HCN1: variants seen among roughly 807,000 people sequenced by gnomAD.
HCN1 encodes the protein hyperpolarization activated cyclic nucleotide gated potassium channel 1, also known as potassium/sodium hyperpolarization-activated cyclic nucleotide-gated channel 1.
Under a neutral mutation model 78.9 loss-of-function variants are expected in HCN1, and 13 were observed. The observed-to-expected ratio is 0.16, with a 90% CI of 0.11 to 0.26. HCN1 has a LOEUF of 0.26. HCN1 is among the 10% of genes least tolerant of loss of function. The pLI is 1.00. For synonymous variants in HCN1, 552 were observed against 455.5 expected, an observed-to-expected ratio of 1.21 and a Z score of -2.70; for missense variants, 810 against 1,154.3, an observed-to-expected ratio of 0.70 and a Z score of 4.32.
chr5:45,335,288 A>C (rs1746430551), intron 5 of HCN1, among the ~76,000 whole-genome samples: 2 of 152,064 alleles, frequency 1.3e-5, no homozygotes, highest in Non-Finnish European at 2.9e-5. Flanking sequence ...ACACATTCCA[A>C]CAGGCACTCA....
At chr5:45,324,536 CT>C (rs1300768208) in intron 5 of HCN1, among the ~76,000 whole-genome samples, 1 of 151,846 alleles carries the variant, frequency 6.6e-6, no homozygotes, top group Admixed American at 6.6e-5. Flanking sequence ...AATAGGAACA[CT>C]TTTACACTGT....
intron 3 of HCN1, among the ~76,000 whole-genome samples, chr5:45,411,660 A>T (rs1021724524): frequency 6.6e-6 from 1 of 152,078 alleles, no homozygotes; most frequent in African/African-American, 2.4e-5. Context: ...TGATAAAAAC[A>T]TTAAGAAAAA....
At chr5:45,305,196 C>G (rs144022175) in intron 5 of HCN1, among the ~76,000 whole-genome samples, 5 of 152,138 alleles carry the variant, frequency 3.3e-5, no homozygotes, top group African/African-American at 1.2e-4. Context: ...TGTGCTATAC[C>G]GACCCATCAA....
At chr5:45,538,407 G>A (rs1450725137) in intron 2 of HCN1, among the ~76,000 whole-genome samples, 1 of 152,066 alleles carries the variant, frequency 6.6e-6, no homozygotes, top group African/African-American at 2.4e-5. Context: ...TAATATCTAA[G>A]ATGGTCTCTA....
intron 2 of HCN1, among the ~76,000 whole-genome samples, chr5:45,526,146 A>G (rs1467097348): frequency 6.6e-6 from 1 of 152,106 alleles, no homozygotes; most frequent in Non-Finnish European, 1.5e-5. Context: ...GTAATTTGTT[A>G]GAGCGGCCCA....
At chr5:45,505,198 T>C (rs551263114) in intron 2 of HCN1, among the ~76,000 whole-genome samples, 1 of 152,064 alleles carries the variant, frequency 6.6e-6, no homozygotes, top group Non-Finnish European at 1.5e-5. Flanking sequence ...CTGAATGGTA[T>C]TGCCTAGGTT....
intron 3 of HCN1, among the ~76,000 whole-genome samples, chr5:45,408,886 C>T (rs1212709071): frequency 1.3e-5 from 2 of 152,090 alleles, no homozygotes; most frequent in Non-Finnish European, 2.9e-5. Context: ...TCTTTATAAA[C>T]AAAGTAGCTG....
At chr5:45,465,381 G>T (rs972289531) in intron 2 of HCN1, among the ~76,000 whole-genome samples, 1 of 152,084 alleles carries the variant, frequency 6.6e-6, no homozygotes, top group African/African-American at 2.4e-5. Context: ...AGAAAGAAAG[G>T]CTCTCTTCCC....
At chr5:45,328,792 T>A (rs1172734439) in intron 5 of HCN1, among the ~76,000 whole-genome samples, 1 of 151,660 alleles carries the variant, frequency 6.6e-6, no homozygotes. Flanking sequence ...AAGGCAGGAC[T>A]ACTCTACCAC....
chr5:45,308,271 A>G (rs1745777422), intron 5 of HCN1, among the ~76,000 whole-genome samples: 1 of 152,222 alleles, frequency 6.6e-6, no homozygotes, highest in African/African-American at 2.4e-5. Context: ...AGGCTGCTGA[A>G]TCGTGAGACA....
In HCN1 at chr5:45,567,558, TACACACACACACACACACAC is replaced by T. The variant is rs36230541; in HGVS notation, c.849+77607_849+77626del. On this transcript the variant is annotated intron_variant, in intron 2 of 7. Coordinates refer to ENST00000303230, the MANE Select transcript of HCN1 (RefSeq NM_021072.4). ...GTGAAAAGGAGAGGGCATTTTAGGC[TACACACACACACACACACAC>T]ACACACACACACACACACACACACA... Among the ~76,000 whole-genome samples, 43 of 133,024 alleles carry T rather than the reference TACACACACACACACACACAC, an allele frequency of 3.2e-4. 1 individual carries two copies. Among genetic ancestry groups the T allele is most frequent in the Non-Finnish European group, 5.2e-4 (32 of 61,990 alleles). 87.3% of individuals were successfully genotyped at this position (133,024 alleles called of 152,430 possible).
intron 6 of HCN1, among the ~76,000 whole-genome samples, chr5:45,282,777 T>C (rs1256682188): frequency 6.6e-6 from 1 of 152,212 alleles, no homozygotes; most frequent in Non-Finnish European, 1.5e-5. Flanking sequence ...TCAGCTCCAG[T>C]AATGCTCTTG....
chr5:45,340,739 C>G (rs1237712679), intron 5 of HCN1, among the ~76,000 whole-genome samples: 1 of 151,876 alleles, frequency 6.6e-6, no homozygotes, highest in East Asian at 1.9e-4. Context: ...TTCCTATTTT[C>G]TTTATCAAAA....
At chr5:45,363,819 C>T (rs1747174812) in intron 4 of HCN1, among the ~76,000 whole-genome samples, 1 of 152,012 alleles carries the variant, frequency 6.6e-6, no homozygotes, top group Non-Finnish European at 1.5e-5. Context: ...CCTTTCTCCT[C>T]CTGCCATGAT....
intron 2 of HCN1, among the ~76,000 whole-genome samples, chr5:45,601,964 G>T (rs1029921339): frequency 6.6e-6 from 1 of 152,038 alleles, no homozygotes; most frequent in Non-Finnish European, 1.5e-5. Flanking sequence ...AATCATGGGG[G>T]TGGTTTCCCC....
intron 2 of HCN1, among the ~76,000 whole-genome samples, chr5:45,566,127 T>A (rs367802424): frequency 6.6e-6 from 1 of 152,172 alleles, no homozygotes; most frequent in African/African-American, 2.4e-5. Flanking sequence ...TCTAACAATG[T>A]AATTACTGAA....
At chr5:45,311,916 A>C (rs924373418) in intron 5 of HCN1, among the ~76,000 whole-genome samples, 1 of 152,246 alleles carries the variant, frequency 6.6e-6, no homozygotes, top group Non-Finnish European at 1.5e-5. Flanking sequence ...AAGCCAAGTA[A>C]ATAAGCTCAG....
chr5:45,465,187 T>C (rs1191080171), intron 2 of HCN1, among the ~76,000 whole-genome samples: 1 of 152,116 alleles, frequency 6.6e-6, no homozygotes. Flanking sequence ...TGAAGGGGTT[T>C]AATAATAATA....
chr5:45,329,334 C>A (rs1464001610), intron 5 of HCN1, among the ~76,000 whole-genome samples: 1 of 151,394 alleles, frequency 6.6e-6, no homozygotes, highest in Non-Finnish European at 1.5e-5. Context: ...ATCCTAGGGA[C>A]CTCTTATAAA....
Sources: allele counts gnomAD v4.1 joint callset (sites outside exome capture counted in the v4.1 genomes callset), GRCh38; gene constraint gnomAD v4.1.1; transcripts MANE v1.5; gene names NCBI Gene and HGNC (gene_info 2026-07-23, HGNC 2026-07-21).